The following RAB11FIP4 variants were observed in gnomAD, a reference collection of about 807,000 sequenced individuals.
The protein encoded by RAB11FIP4 is rab11 family-interacting protein 4.
Under a neutral mutation model 74.3 loss-of-function variants are expected in RAB11FIP4, and 23 were observed. The ratio of observed to expected loss-of-function variants is 0.31; its 90% confidence interval spans 0.22 to 0.44. RAB11FIP4 has a LOEUF of 0.44. RAB11FIP4 is among the 20% of genes least tolerant of loss of function. The pLI, the probability that RAB11FIP4 is intolerant of heterozygous loss-of-function variation, is 1.00. For synonymous variants in RAB11FIP4, 360 were observed against 359.9 expected, an observed-to-expected ratio of 1.00 and a Z score of 0.00; for missense variants, 630 against 863.9, an observed-to-expected ratio of 0.73 and a Z score of 3.39.
chr17:31,537,219 T>G lies in RAB11FIP4; in HGVS notation c.*5487T>G. The stretch of plus-strand genomic sequence containing the variant: ...TCTACATCGTCTCATCTCCCTGGCC[T>G]TTCCCGAGCCCTGTAAATGTGTACT... On this transcript the variant is annotated 3_prime_UTR_variant, in exon 15 of 15. Transcript: ENST00000621161. The G allele has an allele frequency of 2.5e-6, 1 of 399,398 alleles. No homozygotes were observed. The highest frequency in any genetic ancestry group is 2.1e-5 in the African/African-American group (1 of 48,766). 24.7% of individuals were successfully genotyped at this position (399,398 alleles called of 1,614,324 possible).
At chr17:31,508,599 G>T (rs2142788071) in intron 3 of RAB11FIP4, among the ~76,000 whole-genome samples, 1 of 152,318 alleles carries the variant, frequency 6.6e-6, no homozygotes, top group East Asian at 1.9e-4. Context: ...CAGTGCCTGG[G>T]TGCACGCGGC....
intron 3 of RAB11FIP4, among the ~76,000 whole-genome samples, chr17:31,474,563 CG>C (rs1335618432): frequency 6.6e-6 from 1 of 151,288 alleles, no homozygotes; most frequent in African/African-American, 2.4e-5. Context: ...TCCAGCTACT[CG>C]GGGCTGAGGC....
intron 3 of RAB11FIP4, among the ~76,000 whole-genome samples, chr17:31,445,521 T>A: frequency 7.4e-6 from 1 of 135,382 alleles, no homozygotes; most frequent in African/African-American, 2.7e-5. Flanking sequence ...TACATTCAAA[T>A]TTTCCCAATT....
intron 1 of RAB11FIP4, among the ~76,000 whole-genome samples, chr17:31,406,829 T>A (rs1002401706): frequency 1.3e-4 from 20 of 152,208 alleles, no homozygotes; most frequent in Non-Finnish European, 4.4e-5. Flanking sequence ...GTTAATCATA[T>A]CTTATTGCTC....
At chr17:31,471,210 A>T (rs1313824074) in intron 3 of RAB11FIP4, among the ~76,000 whole-genome samples, 2 of 151,014 alleles carry the variant, frequency 1.3e-5, no homozygotes, top group Non-Finnish European at 2.9e-5. Context: ...CCACAGGCAC[A>T]CACCACCATG....
chr17:31,490,065 G>C (rs1421865665), intron 3 of RAB11FIP4, among the ~76,000 whole-genome samples: 2 of 152,090 alleles, frequency 1.3e-5, no homozygotes, highest in Non-Finnish European at 1.5e-5. Flanking sequence ...AGGGCCCATT[G>C]GGTTCTAAGC....
At position 31,488,291 on chromosome 17, in the gene RAB11FIP4, GC is replaced by G. The variant is rs571809528; in HGVS notation, c.337-29359del. 40 of 1,174,624 alleles carry G rather than the reference GC, an allele frequency of 3.4e-5. No homozygotes were observed. The African/African-American group carries it at 6.4e-4, about 19-fold the overall frequency. The allele number at this position is 1,174,624 out of a possible 1,614,324, so 72.8% of individuals were successfully genotyped here. A position where few individuals can be genotyped will look rare whatever the true frequency, so the allele number is the denominator to read the frequency against. ...GAGCCAGGTAAGCGGCGGCCCCGGG[GC>G]TGGCGCTCGCAGGGCTCCGGCGGCG... On this transcript the variant is annotated intron_variant, in intron 3 of 14. Coordinates refer to ENST00000621161, the MANE Select transcript of RAB11FIP4 (RefSeq NM_032932.6).
chr17:31,424,369 G>A (rs904458906), intron 1 of RAB11FIP4, among the ~76,000 whole-genome samples: 2 of 152,228 alleles, frequency 1.3e-5, no homozygotes, highest in Middle Eastern at 3.4e-3. Flanking sequence ...TTTTAAGTCT[G>A]TCCTCAAGCC....
intron 3 of RAB11FIP4, among the ~76,000 whole-genome samples, chr17:31,445,579 T>TATATATATATA (rs71142054): frequency 1.2e-3 from 10 of 8,404 alleles, no homozygotes; most frequent in Admixed American, 2.2e-3. Flanking sequence ...TATATATATA[T>TATATATATATA]TTTTTTTTTT....
chr17:31,401,190 T>C (rs2151614695), intron 1 of RAB11FIP4, among the ~76,000 whole-genome samples: 1 of 151,926 alleles, frequency 6.6e-6, no homozygotes, highest in East Asian at 1.9e-4. Context: ...GAGAATGGCA[T>C]GAACCCGGGA....
At chr17:31,525,050 G>A in intron 9 of RAB11FIP4, 40 bp from the exon 10 acceptor site, 1 of 1,549,374 alleles carries the variant, frequency 6.5e-7, no homozygotes, top group Non-Finnish European at 8.7e-7. Context: ...GGGGTGAAAT[G>A]GTGCAGGCCC....
intron 1 of RAB11FIP4, among the ~76,000 whole-genome samples, chr17:31,404,315 C>T (rs989969747): frequency 6.6e-6 from 1 of 152,220 alleles, no homozygotes; most frequent in Non-Finnish European, 1.5e-5. Context: ...TCCGCCCCGT[C>T]CCCACTTCCA....
At position 31,445,562 on chromosome 17, in the gene RAB11FIP4, ATATATATATATATATATTTTTTTTTTT is replaced by A. The variant is rs1447268091; in HGVS notation, c.336+11442_336+11468del. 7.1e-3 allele frequency among the ~76,000 whole-genome samples: 123 copies of A among 17,418 alleles called. 10 individuals are homozygous for A. The highest frequency in any genetic ancestry group is 0.019 in the African/African-American group (122 of 6,556). 11.4% of individuals were successfully genotyped at this position (17,418 alleles called of 152,430 possible). A position where few individuals can be genotyped will look rare whatever the true frequency, so the allele number is the denominator to read the frequency against. On this transcript the variant is annotated intron_variant, in intron 3 of 14. Coordinates refer to ENST00000621161, the MANE Select transcript of RAB11FIP4 (RefSeq NM_032932.6). ...TATATATATATATATATATATATAT[ATATATATATATATATATTTTTTTTTTT>A]TTTTTTTTTTTTTTGACACGGAGTC...
intron 3 of RAB11FIP4, among the ~76,000 whole-genome samples, chr17:31,481,148 C>G (rs898940439): frequency 6.6e-6 from 1 of 152,140 alleles, no homozygotes; most frequent in Non-Finnish European, 1.5e-5. Flanking sequence ...GATCCCTTCA[C>G]CTGTGATCAT....
rs137979635 is a variant in RAB11FIP4, at chr17:31,467,099, C to CTTTCTTTTCTTTTCTTTTCTTTTCT, written c.336+32981_336+33005dup. 2.6e-3 allele frequency among the ~76,000 whole-genome samples: 382 copies of CTTTCTTTTCTTTTCTTTTCTTTTCT among 148,996 alleles called. 2 individuals carry two copies. Among genetic ancestry groups the CTTTCTTTTCTTTTCTTTTCTTTTCT allele is most frequent in the African/African-American group, 8.9e-3 (361 of 40,490 alleles). ...TCCTGCATCTAGCTCCTGAGTATTT[C>CTTTCTTTTCTTTTCTTTTCTTTTCT]TTTCTTTTCTTTTCTTTTCTTTTCT... is the stretch of plus-strand genomic sequence containing the variant. On this transcript the variant is annotated intron_variant, in intron 3 of 14. Transcript: ENST00000621161.
At chr17:31,396,423 C>T (rs2070931866) in intron 1 of RAB11FIP4, among the ~76,000 whole-genome samples, 1 of 151,996 alleles carries the variant, frequency 6.6e-6, no homozygotes, top group African/African-American at 2.4e-5. Context: ...GATCAGAGTC[C>T]CCATTCTATA....
chr17:31,402,509 A>T (rs1444111274), intron 1 of RAB11FIP4, among the ~76,000 whole-genome samples: 1 of 152,060 alleles, frequency 6.6e-6, no homozygotes, highest in African/African-American at 2.4e-5. Flanking sequence ...ACTCTTTTTT[A>T]TGATTTCTCA....
intron 3 of RAB11FIP4, among the ~76,000 whole-genome samples, chr17:31,476,067 A>T (rs2071788978): frequency 6.6e-6 from 1 of 151,704 alleles, no homozygotes; most frequent in African/African-American, 2.4e-5. Context: ...GCTCACAGGA[A>T]TTGAACCAGT....
At chr17:31,413,539 C>G (rs1324181614) in intron 1 of RAB11FIP4, among the ~76,000 whole-genome samples, 6 of 151,514 alleles carry the variant, frequency 4.0e-5, no homozygotes, top group Admixed American at 2.6e-4. Flanking sequence ...CTTCGAGCAC[C>G]TCTACGGCCT....
Sources: allele counts gnomAD v4.1 joint callset (sites outside exome capture counted in the v4.1 genomes callset), GRCh38; gene constraint gnomAD v4.1.1; transcripts MANE v1.5; gene names NCBI Gene and HGNC (gene_info 2026-07-23, HGNC 2026-07-21).